TYK2: variants seen among roughly 807,000 people sequenced by gnomAD.
TYK2 encodes tyrosine kinase 2.
Under a neutral mutation model 130.9 loss-of-function variants are expected in TYK2, and 65 were observed. The observed-to-expected ratio is 0.50, with a 90% confidence interval of 0.41 to 0.61. The LOEUF (loss-of-function observed/expected upper bound fraction) is 0.61. Ranked by LOEUF, TYK2 falls within the 20% of genes least tolerant of loss-of-function variation. The pLI is 0.00. For missense variants in TYK2, 1,378 were observed against 1,610.7 expected, an observed-to-expected ratio of 0.86 and a Z score of 2.47; for synonymous variants, 647 against 658.9, an observed-to-expected ratio of 0.98 and a Z score of 0.28.
At position 10,351,141 on chromosome 19, in the gene TYK2, T is replaced by G. The variant is rs1211701761; in HGVS notation, c.3340A>C (p.Ile1114Leu). The G allele has an allele frequency of 6.2e-7, 1 of 1,613,884 alleles. No homozygotes were observed. Among genetic ancestry groups the G allele is most frequent in the African/African-American group, 1.3e-5 (1 of 75,008 alleles). The change falls in exon 24 of 25, where the codon ATT (isoleucine) becomes CTT (leucine). Residue 1114 changes from isoleucine (I) to leucine (L), a missense_variant. Transcript: ENST00000525621. ...PPTKFLELIG[I>L]AQGQMTVLRL... is the part of the protein sequence containing the mutation. ...AGAACTGTCATCTGACCCTGAGCAA[T>G]GCCTATGAGCTCAAGGAATTTCTAC...
At position 10,353,401 on chromosome 19, in the gene TYK2, A is replaced by C. The variant is rs1460314712; in HGVS notation, c.3027+127T>G. The stretch of plus-strand genomic sequence containing the variant: ...AGCCAAACAGTTCGGAGGTCAGTGC[A>C]AGGACAAGACAGCCTGGGCAAACGA... On this transcript the variant is annotated intron_variant, in intron 21 of 24. Coordinates refer to ENST00000525621, the MANE Select transcript of TYK2 (RefSeq NM_003331.5). This position sits in a 1 kb window ranked among gnomAD's most constrained non-coding sequence, Gnocchi z 6.9. 7 of 702,518 alleles carry C rather than the reference A, an allele frequency of 1.0e-5. No individual in the cohort carries two copies. The highest frequency in any genetic ancestry group is 1.6e-5 in the Non-Finnish European group (7 of 441,720). 43.5% of individuals were successfully genotyped at this position (702,518 alleles called of 1,614,324 possible).
intron 18 of TYK2, among the ~76,000 whole-genome samples, chr19:10,356,198 GCAAAACC>G (rs1353004358): frequency 6.6e-6 from 1 of 151,926 alleles, no homozygotes; most frequent in Non-Finnish European, 1.5e-5. Flanking sequence ...GGCCAACATG[GCAAAACC>G]CCACCTCTAC....
intron 15 of TYK2, among the ~76,000 whole-genome samples, 156 bp from the exon 16 acceptor site, chr19:10,358,294 G>GTTT (rs770531180): frequency 2.1e-4 from 19 of 91,370 alleles, no homozygotes; most frequent in East Asian, 3.2e-4. Flanking sequence ...TTTTTTTCTT[G>GTTT]TTTTTTTTTT....
rs2041269055 is a variant in TYK2, at chr19:10,359,249, T to C, written c.2101A>G (p.Arg701Gly). ...EHGPLDVWLR[R>G]ERGHVPMAWK... is the part of the protein sequence containing the mutation. ...GCCATGGGCACATGGCCCCGCTCCC[T>C]CCGCAGCCACACATCCAGGGGTCCG... Residue 701 changes from arginine (R) to glycine (G), a missense_variant, in exon 15 of 25, where the codon AGG becomes GGG. Arg to Gly is a moderately radical substitution (Grantham distance 125). Transcript: ENST00000525621. The C allele has an allele frequency of 6.2e-7, 1 of 1,611,446 alleles. No homozygotes were observed. The highest frequency in any genetic ancestry group is 1.3e-5 in the African/African-American group (1 of 75,044).
chr19:10,356,476 T>TC (rs1439093115), intron 18 of TYK2, 92 bp downstream of exon 18: 1 of 1,539,258 alleles, frequency 6.5e-7, no homozygotes, highest in African/African-American at 1.4e-5. Context: ...CCTGAACCAC[T>TC]GTGCAGAGAC....
chr19:10,378,026 GT>G (rs2042231227), intron 3 of TYK2, among the ~76,000 whole-genome samples, 187 bp downstream of exon 3: 1 of 125,680 alleles, frequency 8.0e-6, no homozygotes, highest in Non-Finnish European at 1.7e-5. Flanking sequence ...GGATGGATGG[GT>G]GGGTGGGTGG....
chr19:10,379,660 C>T lies in TYK2; in HGVS notation c.-66G>A, dbSNP rs1048799806. 6.6e-6 allele frequency: 1 copy of T among 152,142 alleles called. No homozygotes were observed. Among genetic ancestry groups the T allele is most frequent in the African/African-American group, 2.4e-5 (1 of 41,436 alleles). The allele number at this position is 152,142 out of a possible 1,614,324, so 9.4% of individuals were successfully genotyped here. A position where few individuals can be genotyped will look rare whatever the true frequency, so the allele number is the denominator to read the frequency against. ...TCCCTGTGTCAACTCAAGCAAGCCA[C>T]TTAGCAATTCTGGGCCTCAGTTTCC... On this transcript the variant is annotated 5_prime_UTR_variant, in exon 2 of 25. The change creates a new upstream start codon in the 5' untranslated region. Transcript: ENST00000525621.
At chr19:10,370,111 C>T (rs1476438934) in intron 3 of TYK2, among the ~76,000 whole-genome samples, 1 of 151,894 alleles carries the variant, frequency 6.6e-6, no homozygotes, top group Non-Finnish European at 1.5e-5. Context: ...CTTGTAATCC[C>T]AACACTTTGG....
chr19:10,353,518 G>T lies in TYK2; in HGVS notation c.3027+10C>A. ...GGCAAGCTCCAGAAGCAGGGGCGGG[G>T]CCGACCAACCTCGCAGATCTGCTGG... is the stretch of plus-strand genomic sequence containing the variant. On this transcript the variant is annotated intron_variant, in intron 21 of 24. Transcript: ENST00000525621. This position sits in a 1 kb window ranked among gnomAD's most constrained non-coding sequence, Gnocchi z 6.9. The T allele has an allele frequency of 1.3e-6, 2 of 1,495,942 alleles. No individual in the cohort carries two copies. Among genetic ancestry groups the T allele is most frequent in the Non-Finnish European group, 1.8e-6 (2 of 1,118,228 alleles). The allele number at this position is 1,495,942 out of a possible 1,614,324, so 92.7% of individuals were successfully genotyped here.
chr19:10,367,834 G>A (rs1260114178), intron 5 of TYK2, among the ~76,000 whole-genome samples: 1 of 150,452 alleles, frequency 6.6e-6, no homozygotes, highest in Non-Finnish European at 1.5e-5. Flanking sequence ...GCAGGAAAAT[G>A]ACGGGAACCT....
At chr19:10,351,204 AAGGC>A in intron 23 of TYK2, 42 bp from the exon 24 acceptor site, 1 of 1,544,600 alleles carries the variant, frequency 6.5e-7, no homozygotes, top group Non-Finnish European at 8.9e-7. Context: ...GAGGCAATGA[AAGGC>A]AGGCACGGTG....
Position 10,358,035 on chromosome 19 carries a change from G to C in TYK2, c.2279C>G (p.Pro760Arg). ...GTSPFIKLSD[P>R]GVGLGALSRE... Reference sequence around the variant, plus strand: ...GGAGAGGGCGCCCAGGCCCACGCCAGGATCACTCAGCTTGATGAAGGGGCT... The same window carrying C: ...GGAGAGGGCGCCCAGGCCCACGCCACGATCACTCAGCTTGATGAAGGGGCT... Residue 760 changes from proline to arginine, a missense_variant, in exon 16 of 25, where the codon CCT (proline) becomes CGT (arginine). Coordinates refer to ENST00000525621, the MANE Select transcript of TYK2 (RefSeq NM_003331.5). 6.2e-7 allele frequency: 1 copy of C among 1,613,524 alleles called. No individual in the cohort carries two copies. Among genetic ancestry groups the C allele is most frequent in the Non-Finnish European group, 8.5e-7 (1 of 1,180,018 alleles).
intron 2 of TYK2, 131 bp from the exon 3 acceptor site, chr19:10,378,557 G>T (rs771123521): frequency 1.3e-5 from 9 of 714,274 alleles, no homozygotes; most frequent in Admixed American, 1.2e-4. Context: ...TGACATTAGA[G>T]ACCCGATTCC....
In TYK2 at chr19:10,361,374, G is replaced by A. The variant is rs576519646; in HGVS notation, c.2047+137C>T. 4.0e-4 allele frequency: 339 copies of A among 854,980 alleles called. 3 individuals carry two copies. Among genetic ancestry groups the A allele is most frequent in the Middle Eastern group, 2.4e-3 (11 of 4,504 alleles). 53.0% of individuals were successfully genotyped at this position (854,980 alleles called of 1,614,324 possible). ...TAGGTTGAAGGTCAAGGTGTAGCCC[G>A]GGATCAGAGTACAGGTGAGAGTTGA... is the stretch of plus-strand genomic sequence containing the variant. On this transcript the variant is annotated intron_variant, in intron 14 of 24. Transcript: ENST00000525621. This position sits in a 1 kb window ranked among gnomAD's most constrained non-coding sequence, Gnocchi z 4.0.
chr19:10,367,836 C>A (rs766980340), intron 5 of TYK2, among the ~76,000 whole-genome samples: 1 of 151,362 alleles, frequency 6.6e-6, no homozygotes, highest in African/African-American at 2.4e-5. Context: ...AGGAAAATGA[C>A]GGGAACCTGG....
intron 18 of TYK2, among the ~76,000 whole-genome samples, chr19:10,355,213 G>C (rs1356913888): frequency 6.6e-6 from 1 of 151,218 alleles, no homozygotes; most frequent in Non-Finnish European, 1.5e-5. Context: ...GATCCCTAGA[G>C]CCCAGGAGTC....
chr19:10,354,003 G>C lies in TYK2; in HGVS notation c.2908+39C>G, dbSNP rs758888163. On this transcript the variant is annotated intron_variant, in intron 20 of 24. Transcript: ENST00000525621. ...AAGGCCACACCCACGCTCTAACCAC[G>C]CCCCCTCAAGTCTCTAGGACTCGCC... 2.5e-6 allele frequency: 4 copies of C among 1,603,634 alleles called. No homozygotes were observed. The Admixed American group carries it at 6.7e-5, about 27-fold the overall frequency.
chr19:10,369,867 C>A (rs2041840327), intron 3 of TYK2: 1 of 370,364 alleles, frequency 2.7e-6, no homozygotes, highest in South Asian at 1.9e-5. Context: ...CATGGTGAAA[C>A]CCCGTCTCTA....
Position 10,362,546 on chromosome 19 carries a change from C to T in TYK2, c.1476+3G>A, listed in dbSNP as rs1333735656. 1.3e-6 allele frequency: 2 copies of T among 1,555,026 alleles called. No homozygotes were observed. Among genetic ancestry groups the T allele is most frequent in the Non-Finnish European group, 1.7e-6 (2 of 1,148,926 alleles). On this transcript the variant is annotated splice_donor_region_variant and intron_variant, in intron 10 of 24. Coordinates refer to ENST00000525621, the MANE Select transcript of TYK2 (RefSeq NM_003331.5). ...CAGCCCCAGCCCCCAGCCCTGGGCT[C>T]ACCTGGCTACGCTGGGCCACTGTGA... is the stretch of plus-strand genomic sequence containing the variant.
Sources: allele counts gnomAD v4.1 joint callset (sites outside exome capture counted in the v4.1 genomes callset), GRCh38; gene constraint gnomAD v4.1.1; non-coding constraint Gnocchi (gnomAD v3.1); transcripts MANE v1.5; gene names NCBI Gene and HGNC (gene_info 2026-07-23, HGNC 2026-07-21).